Variants in OSBPL10 observed in about 807,000 individuals in gnomAD.
OSBPL10 encodes the protein oxysterol-binding protein-related protein 10.
A neutral mutation model predicts 81.7 loss-of-function variants in OSBPL10; 49 were observed. The ratio of observed to expected loss-of-function variants is 0.60; its 90% confidence interval spans 0.48 to 0.76. OSBPL10 has a LOEUF of 0.76. Ranked by LOEUF, OSBPL10 falls within the 30% of genes least tolerant of loss-of-function variation. The probability of loss-of-function intolerance (pLI) is 0.00; values close to 1 mark genes in which losing one functional copy is unlikely to be tolerated. For missense variants in OSBPL10, 923 were observed against 987.8 expected, an observed-to-expected ratio of 0.93 and a Z score of 0.88; for synonymous variants, 419 against 383.6, an observed-to-expected ratio of 1.09 and a Z score of -1.08.
chr3:31,879,463 G>T, intron 2 of OSBPL10, 192 bp downstream of exon 2: 1 of 580,166 alleles, frequency 1.7e-6, no homozygotes, highest in Non-Finnish European at 3.0e-6. Context: ...AGTTAATTAG[G>T]ACAAGTAATT....
intron 7 of OSBPL10, among the ~76,000 whole-genome samples, chr3:31,699,707 C>T (rs1424630781): frequency 6.6e-6 from 1 of 152,214 alleles, no homozygotes; most frequent in Non-Finnish European, 1.5e-5. Flanking sequence ...ACGAACCTGG[C>T]CCTGTCTGGT....
Position 31,815,850 on chromosome 3 carries a change from A to C in OSBPL10, c.729+14190T>G, listed in dbSNP as rs116327033. ...GCCACTCACTCAATATCCAAAATAC[A>C]ATATGTTATTGTCTCGAGCCTTAGG... On this transcript the variant is annotated intron_variant, in intron 4 of 11. Transcript: ENST00000396556. Among the ~76,000 whole-genome samples, 1,442 of 152,272 alleles carry C rather than the reference A, an allele frequency of 9.5e-3. 26 individuals are homozygous for C. Among genetic ancestry groups the C allele is most frequent in the African/African-American group, 0.033 (1,374 of 41,544 alleles).
At chr3:31,679,333 G>A (rs2125537356) in intron 8 of OSBPL10, among the ~76,000 whole-genome samples, 1 of 152,238 alleles carries the variant, frequency 6.6e-6, no homozygotes, top group East Asian at 1.9e-4. Context: ...AGGACTTCAC[G>A]CACATGTCTT....
intron 7 of OSBPL10, among the ~76,000 whole-genome samples, chr3:31,688,514 C>T (rs1012063492): frequency 7.9e-5 from 12 of 152,088 alleles, no homozygotes; most frequent in African/African-American, 2.4e-4. Flanking sequence ...TTAATGCACA[C>T]GTTTCAAAAC....
chr3:32,005,056 C>T (rs993575363), intron 2 of OSBPL10, among the ~76,000 whole-genome samples: 1 of 152,118 alleles, frequency 6.6e-6, no homozygotes, highest in Non-Finnish European at 1.5e-5. Flanking sequence ...TTCTTTCACT[C>T]AACACTTTTT....
At chr3:31,841,390 C>T (rs991391961) in intron 3 of OSBPL10, among the ~76,000 whole-genome samples, 2 of 152,196 alleles carry the variant, frequency 1.3e-5, no homozygotes, top group Non-Finnish European at 1.5e-5. Context: ...CAGATCTCTC[C>T]ATTTTTACCA....
In OSBPL10 at chr3:31,879,333, G is replaced by A. The variant is rs79297101; in HGVS notation, c.457+322C>T. ...TATAGCACAGCCCTCACAGGGCACT[G>A]TAGTGAAGATTCATACTATTACGTC... On this transcript the variant is annotated intron_variant, in intron 2 of 11. Transcript: ENST00000396556. 4.9e-3 allele frequency: 1,060 copies of A among 217,010 alleles called. 44 individuals are homozygous for A. The East Asian group carries it at 0.092, about 19-fold the overall frequency. The allele number at this position is 217,010 out of a possible 1,614,324, so 13.4% of individuals were successfully genotyped here. A position where few individuals can be genotyped will look rare whatever the true frequency, so the allele number is the denominator to read the frequency against.
At chr3:31,737,634 G>GTATTA (rs1408072294) in intron 5 of OSBPL10, among the ~76,000 whole-genome samples, 1 of 152,140 alleles carries the variant, frequency 6.6e-6, no homozygotes, top group African/African-American at 2.4e-5. Flanking sequence ...ATAATGTATT[G>GTATTA]AGATAAGGCG....
intron 1 of OSBPL10, among the ~76,000 whole-genome samples, chr3:31,886,999 T>G (rs1449699238): frequency 6.6e-6 from 1 of 151,340 alleles, no homozygotes; most frequent in Non-Finnish European, 1.5e-5. Flanking sequence ...CTTCCAGAGT[T>G]GCAGTCAACA....
intron 1 of OSBPL10, among the ~76,000 whole-genome samples, chr3:31,951,257 G>A (rs148090628): frequency 9.2e-4 from 139 of 151,560 alleles, no homozygotes; most frequent in African/African-American, 3.1e-3. Flanking sequence ...AATCAATTTT[G>A]GAAACAAAAC....
At chr3:31,717,177 T>G (rs988107631) in intron 6 of OSBPL10, 1 of 152,192 alleles carries the variant, frequency 6.6e-6, no homozygotes, top group African/African-American at 2.4e-5. Context: ...GGTACATTTA[T>G]TGAGGACTTT....
chr3:31,806,232 C>T (rs780745305), intron 4 of OSBPL10, among the ~76,000 whole-genome samples: 3 of 152,194 alleles, frequency 2.0e-5, no homozygotes, highest in Non-Finnish European at 2.9e-5. Context: ...TCCCAGCAGC[C>T]TCTGGCAGAA....
intron 1 of OSBPL10, among the ~76,000 whole-genome samples, chr3:31,945,598 A>G (rs772485728): frequency 2.6e-5 from 4 of 152,202 alleles, no homozygotes; most frequent in Non-Finnish European, 5.9e-5. Context: ...CATGGGGTCC[A>G]TTCACTACAC....
intron 8 of OSBPL10, among the ~76,000 whole-genome samples, chr3:31,675,907 C>A (rs927902867): frequency 1.4e-5 from 2 of 145,374 alleles, no homozygotes; most frequent in Non-Finnish European, 3.0e-5. Context: ...GATTGCGCCA[C>A]TGCACTGCAG....
intron 4 of OSBPL10, among the ~76,000 whole-genome samples, chr3:31,787,304 G>A (rs1001434895): frequency 6.6e-6 from 1 of 152,118 alleles, no homozygotes; most frequent in African/African-American, 2.4e-5. Context: ...TAATGGATTC[G>A]AAAGACATGA....
chr3:31,953,446 G>C (rs990603379), intron 1 of OSBPL10, among the ~76,000 whole-genome samples: 3 of 151,714 alleles, frequency 2.0e-5, no homozygotes, highest in African/African-American at 7.3e-5. Context: ...TTGAGGACAG[G>C]GTCTAGACTG....
chr3:32,044,741 CAAAAAAAAAAA>C lies in OSBPL10; in HGVS notation n.298+1739_298+1749del, dbSNP rs34855965. 6.6e-4 allele frequency among the ~76,000 whole-genome samples: 44 copies of C among 67,066 alleles called. 1 individual carries two copies. The highest frequency in any genetic ancestry group is 1.2e-3 in the Admixed American group (6 of 4,822). 44.0% of individuals were successfully genotyped at this position (67,066 alleles called of 152,430 possible). On this transcript the variant is annotated intron_variant and non_coding_transcript_variant, in intron 2 of 3. Coordinates refer to the OSBPL10 transcript ENST00000479173. Reference sequence around the variant, plus strand: ...GGGCAACAAGAGCGAAACTCCATCTCAAAAAAAAAAAAAAAAAAAAAAAGATTCTGAATCCT... The same window carrying C: ...GGGCAACAAGAGCGAAACTCCATCTCAAAAAAAAAAAAGATTCTGAATCCT...
rs1699753155 is a variant in OSBPL10 at position 32,061,389 on chromosome 3, T to C, written n.186-14786A>G. Reference sequence around the variant, plus strand: ...ATAAGTGAGAGATGAGATGAATGACTGCTTCTTTAATGAAAGTTATTTATC... The same window carrying C: ...ATAAGTGAGAGATGAGATGAATGACCGCTTCTTTAATGAAAGTTATTTATC... On this transcript the variant is annotated intron_variant and non_coding_transcript_variant, in intron 1 of 3. Transcript: ENST00000479173. 2.2e-5 allele frequency among the ~76,000 whole-genome samples: 2 copies of C among 92,350 alleles called. 1 individual carries two copies. Among genetic ancestry groups the C allele is most frequent in the African/African-American group, 5.6e-5 (2 of 35,870 alleles). 60.6% of individuals were successfully genotyped at this position (92,350 alleles called of 152,430 possible).
intron 1 of OSBPL10, among the ~76,000 whole-genome samples, chr3:31,930,012 A>C (rs1390834385): frequency 1.8e-4 from 27 of 150,236 alleles, no homozygotes; most frequent in African/African-American, 4.9e-4. Flanking sequence ...CCAAAAAAAA[A>C]AAAAAAAAAA....
Sources: allele counts gnomAD v4.1 joint callset (sites outside exome capture counted in the v4.1 genomes callset), GRCh38; gene constraint gnomAD v4.1.1; transcripts MANE v1.5; gene names NCBI Gene and HGNC (gene_info 2026-07-23, HGNC 2026-07-21).